HPS3: variants seen among roughly 807,000 people sequenced by gnomAD.
The protein encoded by HPS3 is HPS3 biogenesis of lysosomal organelles complex 2 subunit 1.
Under a neutral mutation model 110.9 loss-of-function variants are expected in HPS3, and 79 were observed. The ratio of observed to expected loss-of-function variants is 0.71; its 90% CI spans 0.59 to 0.86. The LOEUF is 0.86. HPS3 is among the 40% of genes least tolerant of loss of function. HPS3 has a pLI of 0.00. For missense variants in HPS3, 1,197 were observed against 1,206.2 expected (o/e 0.99, Z 0.11); for synonymous variants, 428 against 451.0 (o/e 0.95, Z 0.65).
intron 1 of HPS3, among the ~76,000 whole-genome samples, chr3:149,131,170 T>C (rs1721748564): frequency 6.6e-6 from 1 of 151,542 alleles, no homozygotes; most frequent in Non-Finnish European, 1.5e-5. Flanking sequence ...ATCAGTGATA[T>C]CCAGACCCTG....
At chr3:149,163,788 TA>T in intron 13 of HPS3, 53 bp from the exon 14 acceptor site, 1 of 957,456 alleles carries the variant, frequency 1.0e-6, no homozygotes, top group Non-Finnish European at 1.7e-6. Context: ...GTGGAATGGA[TA>T]AGCAAGCTTT....
intron 4 of HPS3, among the ~76,000 whole-genome samples, chr3:149,144,300 T>C (rs1365702701): frequency 6.6e-6 from 1 of 152,004 alleles, no homozygotes; most frequent in Non-Finnish European, 1.5e-5. Flanking sequence ...GGAGAATCGT[T>C]TGAACCCGGG....
intron 5 of HPS3, among the ~76,000 whole-genome samples, chr3:149,147,863 A>C (rs1722869165): frequency 6.6e-6 from 1 of 152,158 alleles, no homozygotes; most frequent in Non-Finnish European, 1.5e-5. Flanking sequence ...TCTTAATAAG[A>C]ATCTCCACTC....
At chr3:149,160,791 G>T (rs187388849) in intron 11 of HPS3, among the ~76,000 whole-genome samples, 1 of 152,308 alleles carries the variant, frequency 6.6e-6, no homozygotes, top group Admixed American at 6.5e-5. Flanking sequence ...ACTACCAAAG[G>T]TGTTAATCAT....
At chr3:149,159,838 T>C (rs566095355) in intron 10 of HPS3, among the ~76,000 whole-genome samples, 1 of 152,224 alleles carries the variant, frequency 6.6e-6, no homozygotes, top group Non-Finnish European at 1.5e-5. Context: ...TTCTTCCTTA[T>C]AATCAGCAAA....
chr3:149,141,531 G>GTTTTTTTTTTTTT lies in HPS3; in HGVS notation c.970+160_970+172dup, dbSNP rs10718838. ...GCCCTTTAACAAAGTTTTTTTTTTT[G>GTTTTTTTTTTTTT]TTTTTTTTTTTTTTTTTTTTTGAGA... On this transcript the variant is annotated intron_variant, in intron 4 of 16. Transcript: ENST00000296051. 1.1e-4 allele frequency: 44 copies of GTTTTTTTTTTTTT among 382,614 alleles called. 1 individual carries two copies. Among genetic ancestry groups the GTTTTTTTTTTTTT allele is most frequent in the Admixed American group, 2.8e-4 (6 of 21,332 alleles). The allele number at this position is 382,614 out of a possible 1,614,324, so 23.7% of individuals were successfully genotyped here. A position where few individuals can be genotyped will look rare whatever the true frequency, so the allele number is the denominator to read the frequency against.
intron 6 of HPS3, 96 bp downstream of exon 6, chr3:149,150,776 C>A (rs1723055170): frequency 4.2e-6 from 4 of 955,480 alleles, no homozygotes; most frequent in African/African-American, 3.2e-5. Context: ...TAGGCAAGAA[C>A]AAAAGAGCTT....
At chr3:149,145,643 A>G in intron 5 of HPS3, 97 bp downstream of exon 5, 1 of 938,418 alleles carries the variant, frequency 1.1e-6, no homozygotes. Flanking sequence ...ACTAGCATAG[A>G]GTACTATAAA....
Position 149,153,617 on chromosome 3 carries a change from C to A in HPS3, c.1369C>A (p.Pro457Thr). The A allele has an allele frequency of 6.2e-7, 1 of 1,614,196 alleles. No individual in the cohort carries two copies. The highest frequency in any genetic ancestry group is 8.5e-7 in the Non-Finnish European group (1 of 1,180,024). The change falls in exon 7 of 17, where the codon CCA (proline) becomes ACA (threonine). Residue 457 changes from proline (P) to threonine (T), a missense_variant. By Grantham distance (38) the Pro-to-Thr change is conservative. Coordinates refer to ENST00000296051, the MANE Select transcript of HPS3 (RefSeq NM_032383.5). ...GACTAAAGCAGAACCTGAAGCCATT[C>A]CAGAGAGAAGACAGTCACCCAAGAG... ...LLTKAEPEAI[P>T]ERRQSPKRLL...
chr3:149,149,392 G>C (rs994268214), intron 5 of HPS3, among the ~76,000 whole-genome samples: 1 of 152,016 alleles, frequency 6.6e-6, no homozygotes, highest in African/African-American at 2.4e-5. Flanking sequence ...ACTTCCCAAG[G>C]TTGCTAACTC....
chr3:149,134,232 A>G (rs959952710), intron 1 of HPS3, among the ~76,000 whole-genome samples: 1 of 152,200 alleles, frequency 6.6e-6, no homozygotes, highest in African/African-American at 2.4e-5. Context: ...TTGGTATTAT[A>G]AAATCTGTCT....
Position 149,160,251 on chromosome 3 carries a change from A to G in HPS3, c.2078A>G (p.His693Arg), listed in dbSNP as rs759772353. Reference protein sequence around the residue: ...VALKMGDLDMHRNEMKSHSEM... With the variant: ...VALKMGDLDMRRNEMKSHSEM... The stretch of plus-strand genomic sequence containing the variant: ...CTGAAAATGGGAGATCTTGACATGC[A>G]CAGAAATGAAATGAAAAGCCATTCA... Residue 693 changes from histidine (H) to arginine (R), a missense_variant, in exon 11 of 17, where the codon CAC becomes CGC. Coordinates refer to ENST00000296051, the MANE Select transcript of HPS3 (RefSeq NM_032383.5). 6.2e-6 allele frequency: 10 copies of G among 1,613,452 alleles called. No homozygotes were observed. The Admixed American group carries it at 6.7e-5, about 11-fold the overall frequency.
chr3:149,162,737 CTT>C lies in HPS3; in HGVS notation c.2343_2344del (p.Phe781LeufsTer31), dbSNP rs868868714. ...ATACAATTCCTCAGCTCTTGGTAGA[CTT>C]TTGGGAAGCTCAGCTAGTGGCATGT... ...EDTIPQLLVD[F>X]WEAQLVACLP... On this transcript the variant is annotated frameshift_variant, in exon 13 of 17. Coordinates refer to ENST00000296051, the MANE Select transcript of HPS3 (RefSeq NM_032383.5). LOFTEE classifies it high-confidence loss of function. 2.5e-6 allele frequency: 4 copies of C among 1,613,896 alleles called. No individual in the cohort carries two copies. The highest frequency in any genetic ancestry group is 3.4e-6 in the Non-Finnish European group (4 of 1,179,950).
chr3:149,146,573 C>T (rs34955773), intron 5 of HPS3, among the ~76,000 whole-genome samples: 6,490 of 152,316 alleles, frequency 0.043, 199 homozygotes, highest in African/African-American at 0.076. Flanking sequence ...GATCACCCCA[C>T]CACTGAGTGG....
intron 14 of HPS3, among the ~76,000 whole-genome samples, chr3:149,165,039 C>A (rs1400215762): frequency 2.0e-5 from 3 of 152,122 alleles, no homozygotes; most frequent in Admixed American, 1.3e-4. Flanking sequence ...GTGGTGTTCC[C>A]AGAGATGGCA....
chr3:149,142,051 T>C (rs1722510225), intron 4 of HPS3, among the ~76,000 whole-genome samples: 1 of 151,816 alleles, frequency 6.6e-6, no homozygotes, highest in Admixed American at 6.6e-5. Context: ...GGTTTCTCCA[T>C]GTTGGTCAGG....
rs755248178 is a variant in HPS3 at position 149,172,142 on chromosome 3, A to C, written c.2935A>C (p.Asn979His). The change falls in exon 17 of 17, where the codon AAT (asparagine) becomes CAT (histidine). Residue 979 changes from asparagine (N) to histidine (H), a missense_variant. Transcript: ENST00000296051. The stretch of plus-strand genomic sequence containing the variant: ...GGAACTAGAACTGAAGGATTTCATG[A>C]ATGTTCTCCCAGAAGATGGTACTGC... ...AVELELKDFM[N>H]VLPEDGTATF... The C allele has an allele frequency of 6.2e-7, 1 of 1,612,750 alleles. No homozygotes were observed. Among genetic ancestry groups the C allele is most frequent in the Non-Finnish European group, 8.5e-7 (1 of 1,178,782 alleles).
In HPS3 at chr3:149,162,714, A is replaced by ACAATTCCTC; in HGVS notation, c.2318_2326dup (p.Pro775_Gln776insProIlePro). Reference sequence around the variant, plus strand: ...GGTGCTTTGTGCTAAGGATGAAGATACAATTCCTCAGCTCTTGGTAGACTT... The same window carrying ACAATTCCTC: ...GGTGCTTTGTGCTAAGGATGAAGATACAATTCCTCCAATTCCTCAGCTCTTGGTAGACTT... On this transcript the variant is annotated inframe_insertion, in exon 13 of 17. Coordinates refer to ENST00000296051, the MANE Select transcript of HPS3 (RefSeq NM_032383.5). 1 of 1,614,052 alleles carries ACAATTCCTC rather than the reference A, an allele frequency of 6.2e-7. No individual in the cohort carries two copies. Among genetic ancestry groups the ACAATTCCTC allele is most frequent in the African/African-American group, 1.3e-5 (1 of 75,028 alleles).
chr3:149,166,317 A>G (rs995582573), intron 14 of HPS3, among the ~76,000 whole-genome samples: 1 of 152,184 alleles, frequency 6.6e-6, no homozygotes, highest in African/African-American at 2.4e-5. Flanking sequence ...TTATTTTTGC[A>G]TATGTATGTA....
Sources: allele counts gnomAD v4.1 joint callset (sites outside exome capture counted in the v4.1 genomes callset), GRCh38; gene constraint gnomAD v4.1.1; transcripts MANE v1.5; gene names NCBI Gene and HGNC (gene_info 2026-07-23, HGNC 2026-07-21).